MARCHF6: variants seen among roughly 807,000 people sequenced by gnomAD.
MARCHF6 encodes the protein membrane associated ring-CH-type finger 6, also known as E3 ubiquitin-protein ligase MARCHF6.
MARCHF6 carries 31 observed loss-of-function variants against 133.7 expected under a neutral mutation model. The observed-to-expected ratio is 0.23, with a 90% CI of 0.17 to 0.31. The LOEUF (loss-of-function observed/expected upper bound fraction) is 0.31. Ranked by LOEUF, MARCHF6 falls within the 10% of genes least tolerant of loss-of-function variation. The pLI is 1.00. For missense variants in MARCHF6, 723 were observed against 1,121.6 expected, an observed-to-expected ratio of 0.64 and a Z score of 5.08; for synonymous variants, 395 against 402.5, an observed-to-expected ratio of 0.98 and a Z score of 0.22.
chr5:10,364,144 T>C (rs538506488), intron 1 of MARCHF6, among the ~76,000 whole-genome samples: 125 of 152,378 alleles, frequency 8.2e-4, no homozygotes, highest in African/African-American at 3.0e-3. Context: ...TATCATTACA[T>C]ACCTATTAGT....
Position 10,370,468 on chromosome 5 carries a change from A to T in MARCHF6, c.20-7330A>T, listed in dbSNP as rs539844014. 3.3e-5 allele frequency among the ~76,000 whole-genome samples: 5 copies of T among 152,290 alleles called. No individual in the cohort carries two copies. The East Asian group carries it at 9.6e-4, about 29-fold the overall frequency. The stretch of plus-strand genomic sequence containing the variant: ...ATATGTAATAAAATTTACTTATTTT[A>T]ACTATTTTTAAGTATATACTTCAGT... On this transcript the variant is annotated intron_variant, in intron 1 of 25. Coordinates refer to ENST00000274140, the MANE Select transcript of MARCHF6 (RefSeq NM_005885.4).
intron 22 of MARCHF6, 128 bp downstream of exon 22, chr5:10,417,532 A>C: frequency 1.6e-6 from 2 of 1,240,332 alleles, no homozygotes; most frequent in African/African-American, 1.5e-5. Flanking sequence ...GACTGCTTGC[A>C]CCCAGGAGTT....
At chr5:10,414,703 C>T (rs1436395908) in intron 20 of MARCHF6, among the ~76,000 whole-genome samples, 2 of 152,144 alleles carry the variant, frequency 1.3e-5, no homozygotes, top group African/African-American at 4.8e-5. Context: ...AAGTATAGTA[C>T]CATATTAGGA....
rs114298655 is a variant in MARCHF6 at position 10,382,209 on chromosome 5, T to G, written c.334+266T>G. On this transcript the variant is annotated intron_variant, in intron 4 of 25. Transcript: ENST00000274140. ...TCATGAAAGCGTTGAAAAAATCAAA[T>G]CAAATCATAATTAGATATGAAGTAT... is the stretch of plus-strand genomic sequence containing the variant. Among the ~76,000 whole-genome samples the G allele has an allele frequency of 6.8e-3, 1,036 of 152,188 alleles. 14 individuals are homozygous for G. The highest frequency in any genetic ancestry group is 0.023 in the African/African-American group (972 of 41,530).
At chr5:10,359,951 A>C (rs528572430) in intron 1 of MARCHF6, among the ~76,000 whole-genome samples, 2 of 151,934 alleles carry the variant, frequency 1.3e-5, no homozygotes, top group Non-Finnish European at 2.9e-5. Context: ...GCTTGCAGTC[A>C]GCCGAGATCG....
rs1343220784 is a variant in MARCHF6 at position 10,439,789 on chromosome 5, C to T, written c.*6105C>T. ...GTCCACAATAGCCTTCAATGCTGGGCAAAACATGAAGCACCCCTTTTCTCC... is the reference window on the plus strand; with the variant it reads ...GTCCACAATAGCCTTCAATGCTGGGTAAAACATGAAGCACCCCTTTTCTCC... On this transcript the variant is annotated 3_prime_UTR_variant, in exon 26 of 26. Transcript: ENST00000274140. The T allele has an allele frequency of 1.3e-5, 2 of 152,544 alleles. No individual in the cohort carries two copies. Among genetic ancestry groups the T allele is most frequent in the South Asian group, 2.1e-4 (1 of 4,832 alleles). The allele number at this position is 152,544 out of a possible 1,614,324, so 9.4% of individuals were successfully genotyped here.
intron 14 of MARCHF6, 91 bp from the exon 15 acceptor site, chr5:10,403,316 A>G (rs1185614586): frequency 3.3e-5 from 41 of 1,257,888 alleles, no homozygotes; most frequent in Middle Eastern, 2.0e-4. Flanking sequence ...CCTTGCATGC[A>G]TATTGATTAT....
intron 15 of MARCHF6, 104 bp from the exon 16 acceptor site, chr5:10,405,454 T>A: frequency 2.1e-6 from 2 of 970,716 alleles, no homozygotes; most frequent in Non-Finnish European, 2.9e-6. Context: ...CCACTTTAGA[T>A]GCCAGAATAA....
chr5:10,429,351 G>A (rs1740252137), intron 24 of MARCHF6, among the ~76,000 whole-genome samples: 1 of 150,828 alleles, frequency 6.6e-6, no homozygotes, highest in Non-Finnish European at 1.5e-5. Context: ...ATGTATCAAT[G>A]ACACCACTGC....
Position 10,375,187 on chromosome 5 carries a change from C to T in MARCHF6, c.20-2611C>T, listed in dbSNP as rs576890371. 4.8e-3 allele frequency among the ~76,000 whole-genome samples: 738 copies of T among 152,310 alleles called. 4 individuals are homozygous for T. The highest frequency in any genetic ancestry group is 0.01 in the Admixed American group (158 of 15,306). On this transcript the variant is annotated intron_variant, in intron 1 of 25. Coordinates refer to ENST00000274140, the MANE Select transcript of MARCHF6 (RefSeq NM_005885.4). Reference sequence around the variant, plus strand: ...GAGGCGCGAGCGGGAACTGGGGCTGCGTGCAGCGCTTGCGGGCCAGCTGGA... The same window carrying T: ...GAGGCGCGAGCGGGAACTGGGGCTGTGTGCAGCGCTTGCGGGCCAGCTGGA...
rs564903795 is a variant in MARCHF6, at chr5:10,438,572, C to G, written c.*4888C>G. ...TGCAAACATGTAGTGATAAGGAGAACTAACGTATCAAGGGGCTGAGAGGGT... is the reference window on the plus strand; with the variant it reads ...TGCAAACATGTAGTGATAAGGAGAAGTAACGTATCAAGGGGCTGAGAGGGT... On this transcript the variant is annotated 3_prime_UTR_variant, in exon 26 of 26. Transcript: ENST00000274140. The G allele has an allele frequency of 4.6e-5, 7 of 152,308 alleles. No homozygotes were observed. Among genetic ancestry groups the G allele is most frequent in the Admixed American group, 1.3e-4 (2 of 15,298 alleles). 9.4% of individuals were successfully genotyped at this position (152,308 alleles called of 1,614,324 possible).
intron 17 of MARCHF6, among the ~76,000 whole-genome samples, chr5:10,408,065 C>T (rs1275369973): frequency 6.6e-6 from 1 of 151,844 alleles, no homozygotes; most frequent in East Asian, 1.9e-4. Context: ...GTCATTATCC[C>T]AATTGCAGGC....
At chr5:10,400,872 T>A in intron 11 of MARCHF6, 30 bp downstream of exon 11, 1 of 1,492,302 alleles carries the variant, frequency 6.7e-7, no homozygotes, top group Non-Finnish European at 9.3e-7. Context: ...AAAGTTACTT[T>A]CATTCATTAC....
rs1737846875 is a variant in MARCHF6, at chr5:10,391,567, A to C, written c.602A>C (p.Glu201Ala). 2 of 1,611,494 alleles carry C rather than the reference A, an allele frequency of 1.2e-6. No individual in the cohort carries two copies. Among genetic ancestry groups the C allele is most frequent in the Middle Eastern group, 1.7e-4 (1 of 6,048 alleles). Residue 201 changes from glutamate to alanine, a missense_variant, in exon 7 of 26, where the codon GAA (glutamate) becomes GCA (alanine). By Grantham distance (107) the Glu-to-Ala change is moderately radical. Around this residue, in one of 4 missense-constraint regions of MARCHF6, gnomAD observed 97 missense variants for 115.4 expected, o/e 0.84. Coordinates refer to ENST00000274140, the MANE Select transcript of MARCHF6 (RefSeq NM_005885.4). ...NEAPAGGNGA[E>A]NVAADQPANP... The stretch of plus-strand genomic sequence containing the variant: ...GCTCCAGCAGGAGGAAATGGTGCAG[A>C]AAATGTTGCTGCTGATCAGCCTGCT...
chr5:10,426,768 T>C (rs1045436566), intron 24 of MARCHF6, among the ~76,000 whole-genome samples: 1 of 152,248 alleles, frequency 6.6e-6, no homozygotes, highest in Non-Finnish European at 1.5e-5. Context: ...ATTTACATGC[T>C]GTACAAAATA....
rs201003922 is a variant in MARCHF6, at chr5:10,389,487, C to A, written c.408-845C>A. On this transcript the variant is annotated intron_variant, in intron 5 of 25. Coordinates refer to ENST00000274140, the MANE Select transcript of MARCHF6 (RefSeq NM_005885.4). ...CTCAATCTTGGCTTACTGCAACCCC[C>A]CGCCTCCTGGGTTCAAGCGATTATC... is the stretch of plus-strand genomic sequence containing the variant. 8.5e-5 allele frequency among the ~76,000 whole-genome samples: 13 copies of A among 152,198 alleles called. No individual in the cohort carries two copies. The East Asian group carries it at 2.5e-3, about 29-fold the overall frequency.
chr5:10,417,482 T>TA, intron 22 of MARCHF6, 78 bp downstream of exon 22: 1 of 1,564,014 alleles, frequency 6.4e-7, no homozygotes, highest in Non-Finnish European at 8.7e-7. Context: ...GCATGGGGCT[T>TA]ACGCCTATAA....
At chr5:10,385,776 AT>A (rs1004222944) in intron 4 of MARCHF6, among the ~76,000 whole-genome samples, 1 of 152,226 alleles carries the variant, frequency 6.6e-6, no homozygotes, top group African/African-American at 2.4e-5. Flanking sequence ...GGGCCTTGAA[AT>A]ATGTAAAGCA....
chr5:10,436,920 G>A lies in MARCHF6; in HGVS notation c.*3236G>A, dbSNP rs1363617627. On this transcript the variant is annotated 3_prime_UTR_variant, in exon 26 of 26. Coordinates refer to ENST00000274140, the MANE Select transcript of MARCHF6 (RefSeq NM_005885.4). ...GTAACTGCTATTATTGTGGATTCTT[G>A]TCTTGTGTATTTTCTTTCCCTTATT... 1.3e-5 allele frequency: 2 copies of A among 152,146 alleles called. No homozygotes were observed. The highest frequency in any genetic ancestry group is 2.4e-5 in the African/African-American group (1 of 41,428). 9.4% of individuals were successfully genotyped at this position (152,146 alleles called of 1,614,324 possible).
Sources: allele counts gnomAD v4.1 joint callset (sites outside exome capture counted in the v4.1 genomes callset), GRCh38; gene constraint gnomAD v4.1.1; regional missense constraint gnomAD v4.1.1; transcripts MANE v1.5; gene names NCBI Gene and HGNC (gene_info 2026-07-23, HGNC 2026-07-21).